CBLB: variants seen among roughly 807,000 people sequenced by gnomAD.
CBLB encodes the protein Cbl proto-oncogene B, also known as E3 ubiquitin-protein ligase CBL-B.
Under a neutral mutation model 104.9 loss-of-function variants are expected in CBLB, and 31 were observed. The observed-to-expected ratio is 0.30, with a 90% CI of 0.22 to 0.40. CBLB has a LOEUF of 0.40. Ranked by LOEUF, CBLB falls within the 10% of genes least tolerant of loss-of-function variation. CBLB has a pLI of 1.00. For synonymous variants in CBLB, 440 were observed against 422.6 expected, an observed-to-expected ratio of 1.04 and a Z score of -0.51; for missense variants, 1,062 against 1,214.6, an observed-to-expected ratio of 0.87 and a Z score of 1.87.
intron 4 of CBLB, among the ~76,000 whole-genome samples, chr3:105,772,141 T>C (rs1170170684): frequency 6.6e-6 from 1 of 152,174 alleles, no homozygotes; most frequent in Non-Finnish European, 1.5e-5. Context: ...AAGGCTATAG[T>C]TACCAAAGCA....
intron 16 of CBLB, among the ~76,000 whole-genome samples, chr3:105,680,028 G>C (rs1445540452): frequency 6.6e-6 from 1 of 152,030 alleles, no homozygotes; most frequent in Non-Finnish European, 1.5e-5. Flanking sequence ...TCAAGGAGCT[G>C]AGATTCCATG....
intron 2 of CBLB, among the ~76,000 whole-genome samples, chr3:105,856,348 CAAAAAAAAAA>C (rs1169479720): frequency 1.3e-4 from 4 of 31,092 alleles, no homozygotes; most frequent in East Asian, 9.3e-4. Context: ...GACTCCATCT[CAAAAAAAAAA>C]AAAAAAAAAA....
At chr3:105,697,672 C>G (rs991406606) in intron 12 of CBLB, among the ~76,000 whole-genome samples, 2 of 151,928 alleles carry the variant, frequency 1.3e-5, no homozygotes, top group Non-Finnish European at 2.9e-5. Context: ...GTACAACAAG[C>G]CACAACTGCA....
rs79103963 is a variant in CBLB, at chr3:105,720,834, C to A, written c.1204-584G>T. Among the ~76,000 whole-genome samples the A allele has an allele frequency of 4.8e-3, 728 of 152,310 alleles. 32 individuals are homozygous for A. The East Asian group carries it at 0.099, about 21-fold the overall frequency. On this transcript the variant is annotated intron_variant, in intron 9 of 18. Coordinates refer to ENST00000394030, the MANE Select transcript of CBLB (RefSeq NM_170662.5). The stretch of plus-strand genomic sequence containing the variant: ...CTGTCCTGAAAGCCTGTCATCCTGA[C>A]ACACAGCTCAAATATAAAGTTCTCT...
At chr3:105,852,103 G>T (rs2091016041) in intron 3 of CBLB, among the ~76,000 whole-genome samples, 1 of 152,038 alleles carries the variant, frequency 6.6e-6, no homozygotes, top group African/African-American at 2.4e-5. Flanking sequence ...ATTTTATAGG[G>T]TATTCCTTCT....
At chr3:105,852,397 A>T (rs1002216951) in intron 3 of CBLB, among the ~76,000 whole-genome samples, 3 of 152,046 alleles carry the variant, frequency 2.0e-5, no homozygotes, top group Admixed American at 6.6e-5. Context: ...AGTTTATAAA[A>T]TTTTTTTTAA....
chr3:105,751,359 T>G, intron 5 of CBLB, 103 bp downstream of exon 5: 1 of 815,160 alleles, frequency 1.2e-6, no homozygotes. Context: ...TATGTTTGTT[T>G]ATGTGTGTGT....
At chr3:105,682,422 G>T (rs1246112446) in intron 14 of CBLB, among the ~76,000 whole-genome samples, 3 of 152,134 alleles carry the variant, frequency 2.0e-5, no homozygotes, top group Non-Finnish European at 4.4e-5. Context: ...AATGACTTTA[G>T]CAAAGGCCTT....
intron 10 of CBLB, among the ~76,000 whole-genome samples, chr3:105,707,632 G>GTTTACATTACAACATT (rs1419742872): frequency 2.0e-5 from 3 of 152,090 alleles, no homozygotes; most frequent in Admixed American, 2.0e-4. Context: ...AACATTTTTA[G>GTTTACATTACAACATT]TAGGTAATGT....
chr3:105,865,081 T>C (rs3862048), intron 2 of CBLB, among the ~76,000 whole-genome samples: 3,388 of 152,270 alleles, frequency 0.022, 77 homozygotes, highest in East Asian at 0.12. Flanking sequence ...TTTAAAAAGG[T>C]AATGTGTCAA....
intron 9 of CBLB, among the ~76,000 whole-genome samples, chr3:105,726,583 T>C (rs988735561): frequency 5.5e-4 from 84 of 152,050 alleles, no homozygotes; most frequent in African/African-American, 1.8e-3. Flanking sequence ...TTAAAAGTTC[T>C]GGGATACATG....
At chr3:105,715,614 T>C (rs532234904) in intron 10 of CBLB, among the ~76,000 whole-genome samples, 6 of 152,150 alleles carry the variant, frequency 3.9e-5, no homozygotes, top group Non-Finnish European at 8.8e-5. Flanking sequence ...AATATTATCA[T>C]TGGCCCGCTC....
intron 13 of CBLB, among the ~76,000 whole-genome samples, chr3:105,690,803 CA>C (rs2067590098): frequency 7.2e-6 from 1 of 138,356 alleles, no homozygotes; most frequent in Non-Finnish European, 1.5e-5. Context: ...GCCTGGGCGA[CA>C]GAGTGAGACT....
At chr3:105,679,335 TTAAA>T (rs1445175559) in intron 16 of CBLB, among the ~76,000 whole-genome samples, 10 of 75,158 alleles carry the variant, frequency 1.3e-4, no homozygotes, top group East Asian at 7.2e-4. Context: ...CCTTGAGTCT[TTAAA>T]AAAAAAAAAA....
chr3:105,842,017 GAA>G (rs1261273271), intron 3 of CBLB, among the ~76,000 whole-genome samples: 1 of 134,172 alleles, frequency 7.5e-6, no homozygotes, highest in Non-Finnish European at 1.6e-5. Flanking sequence ...TTCCTCTGGA[GAA>G]AAAAAAAAAA....
chr3:105,709,624 T>G (rs1559910553), intron 10 of CBLB, among the ~76,000 whole-genome samples: 1 of 151,974 alleles, frequency 6.6e-6, no homozygotes, highest in Non-Finnish European at 1.5e-5. Context: ...TATGCATATA[T>G]GGATTTACAA....
chr3:105,799,926 T>G (rs1375282029), intron 3 of CBLB, among the ~76,000 whole-genome samples: 4 of 152,268 alleles, frequency 2.6e-5, no homozygotes, highest in African/African-American at 9.6e-5. Flanking sequence ...TTTCCAGTAT[T>G]AAAATAAATA....
intron 3 of CBLB, among the ~76,000 whole-genome samples, chr3:105,823,914 C>T (rs1302897838): frequency 2.0e-5 from 3 of 152,258 alleles, no homozygotes; most frequent in African/African-American, 2.4e-5. Flanking sequence ...TCAAACTCAA[C>T]CCTACCAAGC....
chr3:105,863,244 A>T (rs2092234616), intron 2 of CBLB, among the ~76,000 whole-genome samples: 1 of 152,172 alleles, frequency 6.6e-6, no homozygotes, highest in African/African-American at 2.4e-5. Flanking sequence ...CTTTTCTAAG[A>T]AGTCATGTAC....
Sources: allele counts gnomAD v4.1 joint callset (sites outside exome capture counted in the v4.1 genomes callset), GRCh38; gene constraint gnomAD v4.1.1; transcripts MANE v1.5; gene names NCBI Gene and HGNC (gene_info 2026-07-23, HGNC 2026-07-21).